The following PLCE1 variants were observed in gnomAD, a reference collection of about 807,000 sequenced individuals.
PLCE1 encodes phospholipase C epsilon 1.
In PLCE1, 119 loss-of-function variants were observed where a neutral mutation model predicts 242.8. The observed-to-expected ratio is 0.49, with a 90% confidence interval of 0.42 to 0.57. The LOEUF (loss-of-function observed/expected upper bound fraction) is 0.57. Ranked by LOEUF, PLCE1 falls within the 20% of genes least tolerant of loss-of-function variation. The probability of loss-of-function intolerance (pLI) is 0.00; values close to 1 mark genes in which losing one functional copy is unlikely to be tolerated. For missense variants in PLCE1, 2,441 were observed against 2,788.8 expected (o/e 0.88, Z 2.81); for synonymous variants, 945 against 1,017.4 (o/e 0.93, Z 1.35).
At chr10:94,274,038 A>G (rs1231656323) in intron 19 of PLCE1, among the ~76,000 whole-genome samples, 1 of 151,996 alleles carries the variant, frequency 6.6e-6, no homozygotes, top group African/African-American at 2.4e-5. Flanking sequence ...AATGGCTGCT[A>G]TAGTCCCCTT....
intron 7 of PLCE1, among the ~76,000 whole-genome samples, chr10:94,243,264 TATC>T (rs1417307837): frequency 6.6e-6 from 1 of 151,928 alleles, no homozygotes; most frequent in Non-Finnish European, 1.5e-5. Context: ...ATGGAAAAAA[TATC>T]AGCCAAGTCC....
At chr10:94,209,611 G>T (rs971301595) in intron 4 of PLCE1, among the ~76,000 whole-genome samples, 11 of 152,124 alleles carry the variant, frequency 7.2e-5, no homozygotes, top group South Asian at 2.1e-4. Flanking sequence ...TTATAATGTA[G>T]GTATGTTCTA....
At chr10:94,273,432 A>G (rs146315539) in intron 18 of PLCE1, 130 bp from the exon 19 acceptor site, 356 of 891,380 alleles carry the variant, frequency 4.0e-4, no homozygotes, top group Middle Eastern at 3.1e-3. Context: ...CTTCTTTCCT[A>G]GTTCCTCTTC....
chr10:94,054,050 C>T (rs2043836191), intron 2 of PLCE1, among the ~76,000 whole-genome samples: 1 of 152,072 alleles, frequency 6.6e-6, no homozygotes, highest in African/African-American at 2.4e-5. Flanking sequence ...CTGAGAGTCT[C>T]CTGACATAAT....
At chr10:94,158,077 A>G (rs2047489243) in intron 3 of PLCE1, among the ~76,000 whole-genome samples, 1 of 152,160 alleles carries the variant, frequency 6.6e-6, no homozygotes, top group Admixed American at 6.5e-5. Context: ...TATGTTAAAT[A>G]ATATTATAAT....
At chr10:94,256,040 C>A (rs1315863779) in intron 11 of PLCE1, among the ~76,000 whole-genome samples, 1 of 146,152 alleles carries the variant, frequency 6.8e-6, no homozygotes, top group Non-Finnish European at 1.5e-5. Context: ...TATTAACAAT[C>A]CTGGCTGGGC....
chr10:94,000,741 T>G (rs1391070214), intron 1 of PLCE1, among the ~76,000 whole-genome samples: 1 of 152,218 alleles, frequency 6.6e-6, no homozygotes, highest in Non-Finnish European at 1.5e-5. Context: ...ATAGCCACTG[T>G]CCTTGTCCAT....
intron 8 of PLCE1, among the ~76,000 whole-genome samples, chr10:94,252,001 A>C (rs1332924281): frequency 3.3e-5 from 5 of 152,174 alleles, no homozygotes; most frequent in African/African-American, 1.2e-4. Context: ...AGTAAGTCTA[A>C]ATGAATTTTC....
chr10:94,261,923 C>G lies in PLCE1; in HGVS notation c.3815-571C>G, dbSNP rs1248713571. Among the ~76,000 whole-genome samples, 2 of 152,078 alleles carry G rather than the reference C, an allele frequency of 1.3e-5. 1 individual carries two copies. The highest frequency in any genetic ancestry group is 3.9e-4 in the East Asian group (2 of 5,190). ...CAAAGCCTGAATTTCACCTAAGTCC[C>G]CAGCTGAACCTACATTTAGTTGCCA... On this transcript the variant is annotated intron_variant, in intron 13 of 32. Transcript: ENST00000371380.
rs2053449010 is a variant in PLCE1 at position 94,313,328 on chromosome 10, C to T, written c.6078C>T (p.Pro2026=). Residue 2026 remains proline, a synonymous_variant, in exon 28 of 33, where the codon CCC becomes CCT. Coordinates refer to ENST00000371380, the MANE Select transcript of PLCE1 (RefSeq NM_016341.4). ...VTVHGVPGPE[P]FTVFTINGGT... ...TGCATGGGGTCCCAGGGCCAGAGCC[C>T]TTTACCGTTTTCACTATTAATGGAG... The T allele has an allele frequency of 1.9e-6, 3 of 1,614,140 alleles. No homozygotes were observed. The highest frequency in any genetic ancestry group is 2.5e-6 in the Non-Finnish European group (3 of 1,180,022).
intron 2 of PLCE1, among the ~76,000 whole-genome samples, chr10:94,047,196 A>G (rs989921428): frequency 3.3e-5 from 5 of 152,156 alleles, no homozygotes; most frequent in South Asian, 2.1e-4. Flanking sequence ...ATTTTTCTCT[A>G]GGGACCCTGA....
intron 2 of PLCE1, among the ~76,000 whole-genome samples, chr10:94,069,497 G>A (rs183325474): frequency 2.8e-4 from 43 of 152,152 alleles, no homozygotes; most frequent in Non-Finnish European, 4.0e-4. Context: ...CCTGTAGTCC[G>A]AGCTACTCCG....
At chr10:94,312,394 A>G (rs1156921134) in intron 27 of PLCE1, among the ~76,000 whole-genome samples, 2 of 152,140 alleles carry the variant, frequency 1.3e-5, no homozygotes, top group African/African-American at 2.4e-5. Flanking sequence ...TCCCTCCAAC[A>G]GGTTAGTTGT....
Position 94,171,267 on chromosome 10 carries a change from C to A in PLCE1, c.1580C>A (p.Pro527His), listed in dbSNP as rs377031690. 1.2e-6 allele frequency: 2 copies of A among 1,614,168 alleles called. No homozygotes were observed. The highest frequency in any genetic ancestry group is 4.5e-5 in the East Asian group (2 of 44,876). The change falls in exon 4 of 33, where the codon CCT (proline) becomes CAT (histidine). Residue 527 changes from proline (P) to histidine (H), a missense_variant. Pro to His is a moderately conservative substitution (Grantham distance 77, BLOSUM62 -2). This residue lies in a region of PLCE1 where 733 missense variants were observed against 754.2 expected (regional missense o/e 0.97). Transcript: ENST00000371380. Reference protein sequence around the residue: ...GISKELIDLQPLIQFPEEVAS... With the variant: ...GISKELIDLQHLIQFPEEVAS... ...AGCAAGGAGCTGATCGATCTGCAGC[C>A]TCTCATCCAGTTCCCAGAGGAAGTC...
chr10:94,114,542 C>G (rs1287180265), intron 2 of PLCE1, among the ~76,000 whole-genome samples: 1 of 152,224 alleles, frequency 6.6e-6, no homozygotes, highest in Non-Finnish European at 1.5e-5. Context: ...AAGATCTGCT[C>G]TGTTCTAACT....
At chr10:94,136,871 G>A (rs542207096) in intron 3 of PLCE1, among the ~76,000 whole-genome samples, 3 of 152,138 alleles carry the variant, frequency 2.0e-5, no homozygotes, top group Non-Finnish European at 4.4e-5. Flanking sequence ...TTACCTTTCA[G>A]TCAGGAACCT....
At chr10:94,026,636 G>A (rs2061457068) in intron 1 of PLCE1, among the ~76,000 whole-genome samples, 1 of 152,132 alleles carries the variant, frequency 6.6e-6, no homozygotes, top group African/African-American at 2.4e-5. Flanking sequence ...AACAGTTATT[G>A]ATGGGTCAGC....
At chr10:94,004,496 C>A (rs1004131207) in intron 1 of PLCE1, among the ~76,000 whole-genome samples, 5 of 152,156 alleles carry the variant, frequency 3.3e-5, no homozygotes, top group African/African-American at 4.8e-5. Flanking sequence ...TTTAACTCTG[C>A]GTTTGACAGC....
At chr10:94,272,974 G>A (rs1385901430) in intron 18 of PLCE1, among the ~76,000 whole-genome samples, 1 of 152,140 alleles carries the variant, frequency 6.6e-6, no homozygotes, top group Non-Finnish European at 1.5e-5. Context: ...GCTGAGGCGG[G>A]TGGATCGCTT....
Sources: allele counts gnomAD v4.1 joint callset (sites outside exome capture counted in the v4.1 genomes callset), GRCh38; gene constraint gnomAD v4.1.1; regional missense constraint gnomAD v4.1.1; transcripts MANE v1.5; gene names NCBI Gene and HGNC (gene_info 2026-07-23, HGNC 2026-07-21).